The following CHD7 variants were observed in gnomAD, a reference collection of about 807,000 sequenced individuals.
The protein encoded by CHD7 is chromodomain helicase DNA binding protein 7.
In CHD7, 24 loss-of-function variants were observed where a neutral mutation model predicts 307.3. The observed-to-expected ratio is 0.08, with a 90% confidence interval of 0.06 to 0.11. The LOEUF (loss-of-function observed/expected upper bound fraction) is 0.11, where lower values mean the gene tolerates loss of function less well. Ranked by LOEUF, CHD7 falls within the 10% of genes least tolerant of loss-of-function variation. CHD7 has a pLI of 1.00. For missense variants in CHD7, 3,106 were observed against 3,727.1 expected, an observed-to-expected ratio of 0.83 and a Z score of 4.34; for synonymous variants, 1,363 against 1,349.9, an observed-to-expected ratio of 1.01 and a Z score of -0.21.
chr8:60,852,433 A>C, intron 29 of CHD7, 65 bp from the exon 30 acceptor site: 1 of 1,470,490 alleles, frequency 6.8e-7, no homozygotes, highest in South Asian at 1.2e-5. Context: ...GGAAGAAGAA[A>C]AGAAACAGTA....
chr8:60,716,146 C>T (rs929101893), intron 1 of CHD7, among the ~76,000 whole-genome samples: 1 of 152,246 alleles, frequency 6.6e-6, no homozygotes, highest in African/African-American at 2.4e-5. Flanking sequence ...TACCTTTTCT[C>T]TCCACTTCTA....
intron 35 of CHD7, chr8:60,861,379 A>G (rs1406732881): frequency 5.1e-6 from 2 of 391,816 alleles, no homozygotes; most frequent in Non-Finnish European, 9.1e-6. Flanking sequence ...TGCTTCTCCC[A>G]TCAAACTCAT....
chr8:60,743,060 C>T lies in CHD7; in HGVS notation c.1628C>T (p.Ser543Leu). 1 of 1,613,898 alleles carries T rather than the reference C, an allele frequency of 6.2e-7. No homozygotes were observed. The highest frequency in any genetic ancestry group is 8.5e-7 in the Non-Finnish European group (1 of 1,179,868). ...HHQPWAQLHP[S>L]PQNTPQKVPV... ...CAGCCTTGGGCACAGCTCCACCCAT[C>T]ACCCCAGAACACCCCGCAGAAAGTG... is the stretch of plus-strand genomic sequence containing the variant. The change falls in exon 2 of 38, where the codon TCA becomes TTA. Residue 543 changes from serine to leucine, a missense_variant. Ser to Leu is a moderately radical substitution (Grantham distance 145, BLOSUM62 -2). Around this residue, in one of 10 missense-constraint regions of CHD7, gnomAD observed 998 missense variants for 1,004.5 expected, o/e 0.99. Coordinates refer to ENST00000423902, the MANE Select transcript of CHD7 (RefSeq NM_017780.4).
At position 60,821,643 on chromosome 8, in the gene CHD7, C is replaced by T. The variant is rs961863305; in HGVS notation, c.2698-147C>T. The T allele has an allele frequency of 2.7e-5, 15 of 546,392 alleles. No individual in the cohort carries two copies. In the Admixed American group the frequency reaches 4.9e-4, roughly 18 times the overall value. The allele number at this position is 546,392 out of a possible 1,614,324, so 33.8% of individuals were successfully genotyped here. On this transcript the variant is annotated intron_variant, in intron 9 of 37. Coordinates refer to ENST00000423902, the MANE Select transcript of CHD7 (RefSeq NM_017780.4). ...ATATATACATATGTATATGTATAAA[C>T]ATATATATACACATACATATATATG... is the stretch of plus-strand genomic sequence containing the variant.
At chr8:60,810,380 AGTGTGTGT>A (rs112629399) in intron 7 of CHD7, among the ~76,000 whole-genome samples, 8 of 145,978 alleles carry the variant, frequency 5.5e-5, no homozygotes, top group African/African-American at 1.8e-4. Flanking sequence ...AGAGAGAGAG[AGTGTGTGT>A]GTGTGTGTGT....
intron 7 of CHD7, 128 bp from the exon 8 acceptor site, chr8:60,816,259 C>T: frequency 1.7e-6 from 1 of 603,556 alleles, no homozygotes; most frequent in South Asian, 2.0e-5. Flanking sequence ...TTAAATGTTG[C>T]TCAGCAGCCT....
chr8:60,741,915 G>C lies in CHD7; in HGVS notation c.483G>C (p.Gln161His), dbSNP rs781619793. Residue 161 changes from glutamine (Q) to histidine (H), a missense_variant, in exon 2 of 38, where the codon CAG becomes CAC. By Grantham distance (24) the Gln-to-His change is conservative. Coordinates refer to ENST00000423902, the MANE Select transcript of CHD7 (RefSeq NM_017780.4). ...CAGACCAGATACGAGCCCCCTACCAGCAGCAGCAGCCACAGCCGCAGCCAC... is the reference window on the plus strand; with the variant it reads ...CAGACCAGATACGAGCCCCCTACCACCAGCAGCAGCCACAGCCGCAGCCAC... ...QVPDQIRAPY[Q>H]QQQPQPQPPQ... 2.5e-6 allele frequency: 4 copies of C among 1,612,266 alleles called. No individual in the cohort carries two copies. The highest frequency in any genetic ancestry group is 3.4e-6 in the Non-Finnish European group (4 of 1,179,196).
At chr8:60,745,891 A>T (rs916145923) in intron 2 of CHD7, among the ~76,000 whole-genome samples, 2 of 152,234 alleles carry the variant, frequency 1.3e-5, no homozygotes. Flanking sequence ...AAGTGGGCTT[A>T]ACATATACCG....
At chr8:60,854,242 A>G in intron 31 of CHD7, 121 bp from the exon 32 acceptor site, 4 of 761,632 alleles carry the variant, frequency 5.3e-6, no homozygotes, top group East Asian at 2.7e-5. Context: ...CATTCTAGCC[A>G]TGTAGTAGGT....
chr8:60,801,595 T>A lies in CHD7; in HGVS notation c.2442+2T>A. 6.4e-7 allele frequency: 1 copy of A among 1,564,672 alleles called. No individual in the cohort carries two copies. The highest frequency in any genetic ancestry group is 1.2e-5 in the South Asian group (1 of 85,232). ...AGCAGTCGTTCAGTAAAAAAGCAGG[T>A]GAGTGCCATTGGAGCCATTAAAATC... On this transcript the variant is annotated splice_donor_variant, in intron 6 of 37. Transcript: ENST00000423902. LOFTEE classifies it high-confidence loss of function.
At chr8:60,762,934 G>C (rs1465891455) in intron 2 of CHD7, among the ~76,000 whole-genome samples, 4 of 152,064 alleles carry the variant, frequency 2.6e-5, no homozygotes, top group Non-Finnish European at 5.9e-5. Context: ...CCTGATGGCT[G>C]GAAGCTAGCC....
Position 60,693,121 on chromosome 8 carries a change from G to T in CHD7, c.-175+14039G>T, listed in dbSNP as rs531199289. ...GCAACCCAGCTGATGGGCTGCTCCAGACTCCACTTCCTGTGTCCTGGCCTG... is the reference window on the plus strand; with the variant it reads ...GCAACCCAGCTGATGGGCTGCTCCATACTCCACTTCCTGTGTCCTGGCCTG... On this transcript the variant is annotated intron_variant, in intron 1 of 37. Coordinates refer to ENST00000423902, the MANE Select transcript of CHD7 (RefSeq NM_017780.4). 3.9e-5 allele frequency among the ~76,000 whole-genome samples: 6 copies of T among 152,300 alleles called. No individual in the cohort carries two copies. In the South Asian group the frequency reaches 1.2e-3, roughly 32 times the overall value.
intron 1 of CHD7, among the ~76,000 whole-genome samples, chr8:60,720,625 G>A (rs759241712): frequency 6.6e-5 from 10 of 152,180 alleles, no homozygotes; most frequent in Non-Finnish European, 1.5e-4. Context: ...ATCTCCGTGA[G>A]CCTGTGCACC....
At position 60,800,464 on chromosome 8, in the gene CHD7, C is replaced by A; in HGVS notation, c.2315C>A (p.Ala772Glu). The change falls in exon 5 of 38, where the codon GCA becomes GAA. Residue 772 changes from alanine to glutamate, a missense_variant. Ala to Glu is a moderately radical substitution (Grantham distance 107). Transcript: ENST00000423902. The part of the protein sequence containing the change: ...DLEFKISDEE[A>E]DDADAAGRDS... The stretch of plus-strand genomic sequence containing the variant: ...GAGTTCAAGATTTCTGATGAGGAGG[C>A]AGATGATGCAGATGCTGCTGGGAGG... 6.2e-7 allele frequency: 1 copy of A among 1,613,814 alleles called. No individual in the cohort carries two copies. Among genetic ancestry groups the A allele is most frequent in the Non-Finnish European group, 8.5e-7 (1 of 1,179,780 alleles).
intron 1 of CHD7, among the ~76,000 whole-genome samples, chr8:60,709,591 C>A (rs1456304868): frequency 6.6e-6 from 1 of 152,068 alleles, no homozygotes; most frequent in Non-Finnish European, 1.5e-5. Context: ...AGCATCAAGT[C>A]CAATCTGACA....
chr8:60,742,293 G>T lies in CHD7; in HGVS notation c.861G>T (p.Pro287=). 6.2e-7 allele frequency: 1 copy of T among 1,613,836 alleles called. No homozygotes were observed. Reference sequence around the variant, plus strand: ...CTCCCCAACAAGGGGCTGTTAGGCCGCAAACCCTTAACTTTAGTTCTCGGA... The same window carrying T: ...CTCCCCAACAAGGGGCTGTTAGGCCTCAAACCCTTAACTTTAGTTCTCGGA... ...PNPPQQGAVR[P]QTLNFSSRSQ... Residue 287 remains proline, a synonymous_variant, in exon 2 of 38, where the codon CCG becomes CCT. Transcript: ENST00000423902.
At chr8:60,776,485 A>G (rs924995827) in intron 2 of CHD7, among the ~76,000 whole-genome samples, 1 of 152,094 alleles carries the variant, frequency 6.6e-6, no homozygotes, top group Non-Finnish European at 1.5e-5. Flanking sequence ...CTCAGGCAGG[A>G]TTTGTTGTTC....
chr8:60,845,554 G>T lies in CHD7; in HGVS notation c.5210+145G>T, dbSNP rs568770037. On this transcript the variant is annotated intron_variant, in intron 23 of 37. Coordinates refer to ENST00000423902, the MANE Select transcript of CHD7 (RefSeq NM_017780.4). ...GGGACCTGAGCATCTGCGGATCTTGGTGTCTGAGGGGGGTCCTGGAACCAT... is the reference window on the plus strand; with the variant it reads ...GGGACCTGAGCATCTGCGGATCTTGTTGTCTGAGGGGGGTCCTGGAACCAT... 323 of 847,594 alleles carry T rather than the reference G, an allele frequency of 3.8e-4. 3 individuals carry two copies. The highest frequency in any genetic ancestry group is 2.1e-3 in the Middle Eastern group (6 of 2,810). 52.5% of individuals were successfully genotyped at this position (847,594 alleles called of 1,614,324 possible). A position where few individuals can be genotyped will look rare whatever the true frequency, so the allele number is the denominator to read the frequency against.
At chr8:60,835,442 A>T (rs760094149) in intron 15 of CHD7, among the ~76,000 whole-genome samples, 3 of 152,256 alleles carry the variant, frequency 2.0e-5, no homozygotes, top group Non-Finnish European at 2.9e-5. Flanking sequence ...TTTGTATCTT[A>T]GGAAAAATTA....
Sources: allele counts gnomAD v4.1 joint callset (sites outside exome capture counted in the v4.1 genomes callset), GRCh38; gene constraint gnomAD v4.1.1; regional missense constraint gnomAD v4.1.1; transcripts MANE v1.5; gene names NCBI Gene and HGNC (gene_info 2026-07-23, HGNC 2026-07-21).